PRDM11: variants seen among roughly 807,000 people sequenced by gnomAD.
PRDM11 encodes PR domain-containing protein 11.
A neutral mutation model predicts 97.8 loss-of-function variants in PRDM11; 20 were observed. That is an observed-to-expected ratio of 0.20 (90% CI 0.14 to 0.30). PRDM11 has a LOEUF of 0.30. PRDM11 is among the 10% of genes least tolerant of loss of function. PRDM11 has a pLI of 1.00. For synonymous variants in PRDM11, 599 were observed against 637.7 expected, an observed-to-expected ratio of 0.94 and a Z score of 0.91; for missense variants, 1,139 against 1,555.2, an observed-to-expected ratio of 0.73 and a Z score of 4.50.
Position 45,233,234 on chromosome 11 carries a change from A to T in PRDM11, c.*5075A>T, listed in dbSNP as rs1221875462. 1.3e-5 allele frequency: 2 copies of T among 152,256 alleles called. No homozygotes were observed. The highest frequency in any genetic ancestry group is 2.9e-5 in the Non-Finnish European group (2 of 68,122). 9.4% of individuals were successfully genotyped at this position (152,256 alleles called of 1,614,324 possible). ...GGGGAAGGGAGCACGGCCTTCGGAGAGGGAGCCGGGGAAGGCCAGCAGGCA... is the reference window on the plus strand; with the variant it reads ...GGGGAAGGGAGCACGGCCTTCGGAGTGGGAGCCGGGGAAGGCCAGCAGGCA... On this transcript the variant is annotated 3_prime_UTR_variant, in exon 8 of 8. Coordinates refer to ENST00000683152, the MANE Select transcript of PRDM11 (RefSeq NM_001384648.1).
intron 5 of PRDM11, among the ~76,000 whole-genome samples, chr11:45,217,401 C>T (rs1022670192): frequency 3.3e-5 from 5 of 152,142 alleles, no homozygotes; most frequent in Admixed American, 6.5e-5. Flanking sequence ...TGCTTATATC[C>T]GATGTGATAA....
At chr11:45,208,880 G>A (rs560211929) in intron 5 of PRDM11, 3 of 444,118 alleles carry the variant, frequency 6.8e-6, no homozygotes, top group African/African-American at 6.0e-5. Flanking sequence ...CAAGGAATGT[G>A]GCACACCTGG....
Position 45,227,751 on chromosome 11 carries a change from A to G in PRDM11, c.3126A>G (p.Arg1042=). ...GGGGTAGTCTGTTGATGGAGTGGCGAGAACTCAAGGCTGATTACTACACCA... is the reference window on the plus strand; with the variant it reads ...GGGGTAGTCTGTTGATGGAGTGGCGGGAACTCAAGGCTGATTACTACACCA... ...DPRGSLLMEW[R]ELKADYYTKN... The change falls in exon 8 of 8, where the codon CGA becomes CGG. Residue 1042 remains arginine (R), a synonymous_variant. Transcript: ENST00000683152. This position sits in a 1 kb window ranked among gnomAD's most constrained non-coding sequence, Gnocchi z 8.0. 2 of 1,533,906 alleles carry G rather than the reference A, an allele frequency of 1.3e-6. No individual in the cohort carries two copies. Among genetic ancestry groups the G allele is most frequent in the Non-Finnish European group, 1.7e-6 (2 of 1,146,708 alleles).
chr11:45,130,440 A>G (rs1252984707), intron 1 of PRDM11, among the ~76,000 whole-genome samples: 4 of 152,198 alleles, frequency 2.6e-5, no homozygotes, highest in Non-Finnish European at 5.9e-5. Flanking sequence ...CAAATGGCCA[A>G]TCAACACATG....
Position 45,099,894 on chromosome 11 carries a change from CT to C in PRDM11, c.96+3995del, listed in dbSNP as rs77426851. Among the ~76,000 whole-genome samples, 124 of 152,324 alleles carry C rather than the reference CT, an allele frequency of 8.1e-4. 1 individual carries two copies. The East Asian group carries it at 0.02, about 24-fold the overall frequency. ...CAGCCTGTCTCAGGACCCAGTTACT[CT>C]TACTTCACCCGCTGTTCTGACAGAG... On this transcript the variant is annotated intron_variant, in intron 1 of 6. Transcript: ENST00000530656.
intron 4 of PRDM11, among the ~76,000 whole-genome samples, chr11:45,200,073 C>G (rs1853273571): frequency 6.6e-6 from 1 of 152,194 alleles, no homozygotes; most frequent in African/African-American, 2.4e-5. Flanking sequence ...AACATTTTAT[C>G]CCCAGAGCCT....
chr11:45,130,486 G>A (rs1852693001), intron 1 of PRDM11, among the ~76,000 whole-genome samples: 1 of 152,124 alleles, frequency 6.6e-6, no homozygotes, highest in South Asian at 2.1e-4. Flanking sequence ...TCAGGAAAAA[G>A]TCAATTGAAA....
chr11:45,127,905 T>C (rs952702353), intron 1 of PRDM11, among the ~76,000 whole-genome samples: 5 of 152,214 alleles, frequency 3.3e-5, no homozygotes, highest in Non-Finnish European at 7.3e-5. Context: ...TTTAAGTCTG[T>C]AGAGGTTACT....
intron 1 of PRDM11, among the ~76,000 whole-genome samples, chr11:45,108,182 C>A (rs1038873023): frequency 1.3e-5 from 2 of 152,176 alleles, no homozygotes; most frequent in Non-Finnish European, 1.5e-5. Flanking sequence ...TCATTTTCAG[C>A]CAGTGCTGCC....
At chr11:45,127,356 C>T (rs1340090164) in intron 1 of PRDM11, among the ~76,000 whole-genome samples, 1 of 152,232 alleles carries the variant, frequency 6.6e-6, no homozygotes, top group African/African-American at 2.4e-5. Flanking sequence ...ATTCTCCGTC[C>T]AGCTTTGTTC....
intron 1 of PRDM11, among the ~76,000 whole-genome samples, chr11:45,162,429 C>T (rs1336782394): frequency 2.6e-5 from 4 of 152,092 alleles, no homozygotes; most frequent in Admixed American, 2.6e-4. Context: ...TCAAACCCAC[C>T]TTCTAATTCT....
chr11:45,147,056 TG>T (rs1851529934), intron 1 of PRDM11, among the ~76,000 whole-genome samples, 179 bp downstream of exon 1: 3 of 103,616 alleles, frequency 2.9e-5, no homozygotes, highest in Non-Finnish European at 5.8e-5. Context: ...CGGCGCGGGG[TG>T]GGGGGCGGCC....
rs894498101 is a variant in PRDM11, at chr11:45,227,312, A to G, written c.2687A>G (p.Tyr896Cys). The G allele has an allele frequency of 6.5e-7, 1 of 1,533,952 alleles. No individual in the cohort carries two copies. The highest frequency in any genetic ancestry group is 2.4e-5 in the East Asian group (1 of 40,904). The change falls in exon 8 of 8, where the codon TAC (tyrosine) becomes TGC (cysteine). Residue 896 changes from tyrosine (Y) to cysteine (C), a missense_variant. Around this residue, in one of 2 missense-constraint regions of PRDM11, gnomAD observed 710 missense variants for 1,044.9 expected, o/e 0.68. Transcript: ENST00000683152. The surrounding 1 kb of genome is among the most constrained non-coding windows in gnomAD (Gnocchi z 8.0). ...ATTGCTGTGCTCTCGCGTCTGGCCT[A>G]CATCTTCCAGGGCGAGTACCTGCTG... Reference protein sequence around the residue: ...DVIAVLSRLAYIFQGEYLLVS... With the variant: ...DVIAVLSRLACIFQGEYLLVS...
At position 45,227,728 on chromosome 11, in the gene PRDM11, G is replaced by C. The variant is rs1331508059; in HGVS notation, c.3103G>C (p.Gly1035Arg). The C allele has an allele frequency of 6.5e-7, 1 of 1,533,766 alleles. No homozygotes were observed. The highest frequency in any genetic ancestry group is 1.4e-5 in the African/African-American group (1 of 72,932). Residue 1035 changes from glycine to arginine, a missense_variant, in exon 8 of 8, where the codon GGT (glycine) becomes CGT (arginine). Gly to Arg is a moderately radical substitution (Grantham distance 125). Transcript: ENST00000683152. The surrounding 1 kb of genome is among the most constrained non-coding windows in gnomAD (Gnocchi z 8.0). ...DVCREGLDPRGSLLMEWRELK... is the reference protein window; with the variant it reads ...DVCREGLDPRRSLLMEWRELK... ...CTGTAGGGAAGGGCTGGACCCCCGG[G>C]GTAGTCTGTTGATGGAGTGGCGAGA...
intron 1 of PRDM11, among the ~76,000 whole-genome samples, chr11:45,123,139 T>A (rs1852479437): frequency 6.6e-6 from 1 of 152,208 alleles, no homozygotes; most frequent in Non-Finnish European, 1.5e-5. Flanking sequence ...CATACATGTC[T>A]TCTTTTGAGA....
At chr11:45,191,051 C>T (rs866220702) in intron 4 of PRDM11, among the ~76,000 whole-genome samples, 54 of 152,204 alleles carry the variant, frequency 3.5e-4, no homozygotes, top group Non-Finnish European at 5.9e-5. Context: ...ATCCAGGACC[C>T]GTGCAGGTAT....
chr11:45,174,162 C>G (rs1382979172), intron 1 of PRDM11, among the ~76,000 whole-genome samples: 2 of 152,086 alleles, frequency 1.3e-5, no homozygotes, highest in Non-Finnish European at 2.9e-5. Context: ...CTTTGGGGGT[C>G]TCCTTTCTTT....
At chr11:45,207,034 G>C (rs1369250104) in intron 5 of PRDM11, among the ~76,000 whole-genome samples, 1 of 152,198 alleles carries the variant, frequency 6.6e-6, no homozygotes, top group African/African-American at 2.4e-5. Context: ...CTCCCAGCCT[G>C]TCCTGATTCA....
In PRDM11 at chr11:45,231,231, A is replaced by G. The variant is rs962196871; in HGVS notation, c.*3072A>G. 1 of 152,120 alleles carries G rather than the reference A, an allele frequency of 6.6e-6. No homozygotes were observed. 9.4% of individuals were successfully genotyped at this position (152,120 alleles called of 1,614,324 possible). A position where few individuals can be genotyped will look rare whatever the true frequency, so the allele number is the denominator to read the frequency against. On this transcript the variant is annotated 3_prime_UTR_variant, in exon 8 of 8. Transcript: ENST00000683152. ...CTTCTCAGCTTGGATGCTCCCTGGGAGGCCCAGTGCTTCTGTCCTGTGAAT... is the reference window on the plus strand; with the variant it reads ...CTTCTCAGCTTGGATGCTCCCTGGGGGGCCCAGTGCTTCTGTCCTGTGAAT...
Sources: allele counts gnomAD v4.1 joint callset (sites outside exome capture counted in the v4.1 genomes callset), GRCh38; gene constraint gnomAD v4.1.1; regional missense constraint gnomAD v4.1.1; non-coding constraint Gnocchi (gnomAD v3.1); transcripts MANE v1.5; gene names NCBI Gene and HGNC (gene_info 2026-07-23, HGNC 2026-07-21).